Variants in TPH2 observed in about 807,000 individuals in gnomAD.
The protein encoded by TPH2 is tryptophan 5-hydroxylase 2.
A neutral mutation model predicts 59.1 loss-of-function variants in TPH2; 27 were observed. The observed-to-expected ratio is 0.46, with a 90% CI of 0.34 to 0.63. TPH2 has a LOEUF of 0.63. Ranked by LOEUF, TPH2 falls within the 30% of genes least tolerant of loss-of-function variation. The pLI is 0.01. For synonymous variants in TPH2, 220 were observed against 210.5 expected, an observed-to-expected ratio of 1.05 and a Z score of -0.39; for missense variants, 523 against 588.3, an observed-to-expected ratio of 0.89 and a Z score of 1.15.
At chr12:71,959,154 G>C (rs775930073) in intron 5 of TPH2, among the ~76,000 whole-genome samples, 1 of 151,346 alleles carries the variant, frequency 6.6e-6, no homozygotes, top group African/African-American at 2.4e-5. Context: ...ATTCAGTACT[G>C]TGCAGTGCAT....
chr12:71,975,609 A>G lies in TPH2; in HGVS notation c.805+2894A>G, dbSNP rs116754650. ...ACTCTGTTCCTTACTAGAAAATTTC[A>G]TCTCTTCTCCACCTACTCAAATTCT... On this transcript the variant is annotated intron_variant, in intron 6 of 10. Transcript: ENST00000333850. Among the ~76,000 whole-genome samples the G allele has an allele frequency of 7.1e-3, 1,078 of 152,224 alleles. 18 individuals carry two copies. The highest frequency in any genetic ancestry group is 0.024 in the African/African-American group (1,012 of 41,546).
chr12:71,979,481 T>C (rs1231725623), intron 7 of TPH2, among the ~76,000 whole-genome samples: 1 of 152,164 alleles, frequency 6.6e-6, no homozygotes, highest in South Asian at 2.1e-4. Context: ...AGCAACTCAT[T>C]ACTAATCCCC....
At chr12:72,025,871 T>C (rs906884880) in intron 9 of TPH2, among the ~76,000 whole-genome samples, 3 of 152,242 alleles carry the variant, frequency 2.0e-5, no homozygotes, top group Non-Finnish European at 4.4e-5. Context: ...TAACTATATG[T>C]CTATCGTTTT....
At chr12:71,971,078 T>C (rs1279306194) in intron 5 of TPH2, among the ~76,000 whole-genome samples, 3 of 152,214 alleles carry the variant, frequency 2.0e-5, no homozygotes, top group African/African-American at 7.2e-5. Flanking sequence ...ATCTGTTTGA[T>C]AGCCTATTCT....
intron 6 of TPH2, among the ~76,000 whole-genome samples, chr12:71,977,036 G>A (rs1199284291): frequency 6.6e-6 from 1 of 152,106 alleles, no homozygotes; most frequent in Non-Finnish European, 1.5e-5. Flanking sequence ...GGATGAATAA[G>A]TCTAGAGGTC....
rs1231614620 is a variant in TPH2 at position 71,963,443 on chromosome 12, CAT to C, written c.609-9063_609-9062del. Among the ~76,000 whole-genome samples, 23 of 34,538 alleles carry C rather than the reference CAT, an allele frequency of 6.7e-4. 9 individuals carry two copies. The highest frequency in any genetic ancestry group is 1.6e-3 in the Non-Finnish European group (21 of 13,420). The allele number at this position is 34,538 out of a possible 152,430, so 22.7% of individuals were successfully genotyped here. On this transcript the variant is annotated intron_variant, in intron 5 of 10. Transcript: ENST00000333850. ...ATGTATTAGTGTGTGTATATACATA[CAT>C]ATATATATATATGTATGTATATACA...
At position 71,941,512 on chromosome 12, in the gene TPH2, A is replaced by G. The variant is rs1592856821; in HGVS notation, c.106-72A>G. 2.6e-6 allele frequency: 4 copies of G among 1,546,350 alleles called. No homozygotes were observed. In the East Asian group the frequency reaches 7.3e-5, roughly 28 times the overall value. Reference sequence around the variant, plus strand: ...CCAGCTTATGAATGACATGTATGGGAAAAATCTAATTACGGAGGATTCTGG... The same window carrying G: ...CCAGCTTATGAATGACATGTATGGGGAAAATCTAATTACGGAGGATTCTGG... On this transcript the variant is annotated intron_variant, in intron 1 of 10. Transcript: ENST00000333850.
At chr12:71,983,775 C>G (rs7300445) in intron 7 of TPH2, among the ~76,000 whole-genome samples, 87,618 of 147,784 alleles carry the variant, frequency 0.59, 25,548 homozygotes, top group Middle Eastern at 0.62. Flanking sequence ...CAGACACACA[C>G]AGAGAGAGAG....
At chr12:71,996,006 A>G (rs1193297095) in intron 8 of TPH2, among the ~76,000 whole-genome samples, 2 of 152,240 alleles carry the variant, frequency 1.3e-5, no homozygotes, top group Non-Finnish European at 2.9e-5. Context: ...GGCTTAAAAC[A>G]ACAAACATCT....
chr12:71,988,303 T>C (rs987239543), intron 7 of TPH2, among the ~76,000 whole-genome samples: 1 of 152,162 alleles, frequency 6.6e-6, no homozygotes, highest in Non-Finnish European at 1.5e-5. Context: ...ATGGTGGGTG[T>C]ATTAGGTCAT....
rs528186771 is a variant in TPH2, at chr12:71,963,046, C to A, written c.609-9473C>A. On this transcript the variant is annotated intron_variant, in intron 5 of 10. Coordinates refer to ENST00000333850, the MANE Select transcript of TPH2 (RefSeq NM_173353.4). Reference sequence around the variant, plus strand: ...AACACCTCTGCATTCCAGGCTCCACCCTGGGTAGCAGGGATACAAAAATGA... The same window carrying A: ...AACACCTCTGCATTCCAGGCTCCACACTGGGTAGCAGGGATACAAAAATGA... Among the ~76,000 whole-genome samples, 65 of 53,512 alleles carry A rather than the reference C, an allele frequency of 1.2e-3. 29 individuals are homozygous for A. The South Asian group carries it at 0.039, about 32-fold the overall frequency. 35.1% of individuals were successfully genotyped at this position (53,512 alleles called of 152,430 possible). A position where few individuals can be genotyped will look rare whatever the true frequency, so the allele number is the denominator to read the frequency against.
chr12:71,981,209 G>A (rs1872267422), intron 7 of TPH2, among the ~76,000 whole-genome samples: 3 of 152,188 alleles, frequency 2.0e-5, no homozygotes, highest in African/African-American at 4.8e-5. Context: ...GTGGAGACAC[G>A]CAAGAGGCAT....
chr12:72,021,802 A>G (rs1420327355), intron 8 of TPH2, among the ~76,000 whole-genome samples: 4 of 152,210 alleles, frequency 2.6e-5, no homozygotes, highest in Non-Finnish European at 4.4e-5. Flanking sequence ...ACATAGATAT[A>G]TATTTAAGAT....
At chr12:72,012,578 AC>A (rs1225812200) in intron 8 of TPH2, among the ~76,000 whole-genome samples, 2 of 152,116 alleles carry the variant, frequency 1.3e-5, no homozygotes, top group African/African-American at 2.4e-5. Context: ...AGAAGTTTGG[AC>A]TTTTACTCTA....
intron 8 of TPH2, among the ~76,000 whole-genome samples, chr12:72,001,449 A>G (rs34517220): frequency 0.32 from 48,542 of 149,958 alleles, 8,225 homozygotes; most frequent in East Asian, 0.49. Context: ...TTTTTGAGAC[A>G]GAGTTCTCTC....
At chr12:71,971,275 G>A (rs992981438) in intron 5 of TPH2, among the ~76,000 whole-genome samples, 7 of 152,166 alleles carry the variant, frequency 4.6e-5, no homozygotes, top group East Asian at 1.9e-4. Context: ...CTAGTTTTAC[G>A]TGCATATGTT....
intron 8 of TPH2, among the ~76,000 whole-genome samples, chr12:72,006,518 G>A (rs73146312): frequency 0.037 from 5,559 of 152,150 alleles, 151 homozygotes; most frequent in East Asian, 0.1. Flanking sequence ...CATCATCTGG[G>A]GAAAGGTAGG....
chr12:71,962,136 C>T, intron 5 of TPH2: 1 of 990,100 alleles, frequency 1.0e-6, no homozygotes, highest in Non-Finnish European at 1.2e-6. Flanking sequence ...CGTGGGGCTC[C>T]TAACCTCCTC....
intron 7 of TPH2, among the ~76,000 whole-genome samples, chr12:71,990,981 T>A (rs1161537439): frequency 2.0e-5 from 3 of 152,238 alleles, no homozygotes; most frequent in Non-Finnish European, 4.4e-5. Flanking sequence ...TCTGCTGTAT[T>A]GTATGATTTT....
Sources: allele counts gnomAD v4.1 joint callset (sites outside exome capture counted in the v4.1 genomes callset), GRCh38; gene constraint gnomAD v4.1.1; transcripts MANE v1.5; gene names NCBI Gene and HGNC (gene_info 2026-07-23, HGNC 2026-07-21).